The following EMC2 variants were observed in gnomAD, a reference collection of about 807,000 sequenced individuals.
EMC2 encodes ER membrane protein complex subunit 2.
In EMC2, 37 loss-of-function variants were observed where a neutral mutation model predicts 51.6. The ratio of observed to expected loss-of-function variants is 0.72; its 90% CI spans 0.55 to 0.94. The LOEUF is 0.94. Ranked by LOEUF, EMC2 falls within the 40% of genes least tolerant of loss-of-function variation. EMC2 has a pLI of 0.00. For synonymous variants in EMC2, 131 were observed against 112.4 expected (o/e 1.17, Z -1.04); for missense variants, 359 against 350.9 (o/e 1.02, Z -0.18).
Position 108,488,067 on chromosome 8 carries a change from A to C in EMC2, c.*1469A>C, listed in dbSNP as rs566720439. Among the ~76,000 whole-genome samples the C allele has an allele frequency of 6.6e-6, 1 of 151,380 alleles. No homozygotes were observed. The highest frequency in any genetic ancestry group is 2.4e-5 in the African/African-American group (1 of 41,206). On this transcript the variant is annotated 3_prime_UTR_variant, in exon 11 of 11. Transcript: ENST00000220853. ...TGTTTCACTACCTTTTCCCCTTCAA[A>C]CCTCCTCCCCGTCAGTCACTGGATT...
intron 7 of EMC2, among the ~76,000 whole-genome samples, chr8:108,473,108 C>T (rs1161128290): frequency 6.6e-6 from 1 of 151,942 alleles, no homozygotes; most frequent in African/African-American, 2.4e-5. Context: ...TAGAATTGTG[C>T]CATGTAACCT....
chr8:108,448,253 C>A (rs1818927951), intron 1 of EMC2, among the ~76,000 whole-genome samples: 1 of 152,126 alleles, frequency 6.6e-6, no homozygotes, highest in Admixed American at 6.5e-5. Flanking sequence ...AAACTAAGTA[C>A]AGATTCGGTA....
intron 7 of EMC2, among the ~76,000 whole-genome samples, chr8:108,473,249 A>T (rs1290744205): frequency 6.6e-6 from 1 of 151,982 alleles, no homozygotes; most frequent in Non-Finnish European, 1.5e-5. Context: ...ACTACAGTTA[A>T]TTTTTTTGTG....
intron 2 of EMC2, among the ~76,000 whole-genome samples, chr8:108,450,174 C>T (rs1376563627): frequency 6.6e-6 from 1 of 152,004 alleles, no homozygotes; most frequent in Non-Finnish European, 1.5e-5. Context: ...AATGTCTGGC[C>T]AAAATGTATT....
intron 4 of EMC2, 151 bp downstream of exon 4, chr8:108,453,298 A>T: frequency 2.2e-6 from 1 of 450,850 alleles, no homozygotes; most frequent in Non-Finnish European, 4.1e-6. Context: ...GAGGTTGAAA[A>T]CCTTGTCATG....
chr8:108,469,263 A>G (rs1232147670), intron 5 of EMC2, among the ~76,000 whole-genome samples: 1 of 152,166 alleles, frequency 6.6e-6, no homozygotes, highest in African/African-American at 2.4e-5. Context: ...ATTGATTTTT[A>G]TGTTTATCAT....
chr8:108,446,877 T>C (rs1818889301), intron 1 of EMC2, among the ~76,000 whole-genome samples: 1 of 152,172 alleles, frequency 6.6e-6, no homozygotes, highest in Non-Finnish European at 1.5e-5. Flanking sequence ...GTAAGGTGTA[T>C]AGCTTAAGGT....
rs763687422 is a variant in EMC2 at position 108,466,726 on chromosome 8, T to A, written c.364-3100T>A. On this transcript the variant is annotated intron_variant, in intron 5 of 10. Transcript: ENST00000220853. ...GCTTTGGCCTTCCAAAGTGTTGGGA[T>A]TACAGGCATGAACCACTGCACCTGG... 8.3e-4 allele frequency among the ~76,000 whole-genome samples: 127 copies of A among 152,262 alleles called. 1 individual carries two copies. Among genetic ancestry groups the A allele is most frequent in the Non-Finnish European group, 1.2e-3 (80 of 68,020 alleles).
chr8:108,480,808 A>G (rs916169271), intron 10 of EMC2, among the ~76,000 whole-genome samples: 1 of 151,888 alleles, frequency 6.6e-6, no homozygotes, highest in Non-Finnish European at 1.5e-5. Flanking sequence ...CTGGAAGAGG[A>G]TGTTTGCTAG....
intron 4 of EMC2, among the ~76,000 whole-genome samples, chr8:108,455,558 C>A (rs1157654222): frequency 1.3e-5 from 2 of 152,110 alleles, no homozygotes; most frequent in Non-Finnish European, 2.9e-5. Context: ...GGTCCTGATG[C>A]TTGTTCTGTC....
chr8:108,484,809 C>T (rs1811105537), intron 10 of EMC2, among the ~76,000 whole-genome samples: 1 of 151,886 alleles, frequency 6.6e-6, no homozygotes. Flanking sequence ...AATTTATTAA[C>T]TGGATAACAG....
In EMC2 at chr8:108,487,568, A is replaced by G. The variant is rs1811165656; in HGVS notation, c.*970A>G. On this transcript the variant is annotated 3_prime_UTR_variant, in exon 11 of 11. Coordinates refer to ENST00000220853, the MANE Select transcript of EMC2 (RefSeq NM_014673.5). The stretch of plus-strand genomic sequence containing the variant: ...TGAAAGTTAAATTTCATTTAGACAC[A>G]AATCAGTTTTTAAAATAGCAACTGT... Among the ~76,000 whole-genome samples the G allele has an allele frequency of 6.6e-6, 1 of 151,978 alleles. No individual in the cohort carries two copies. The highest frequency in any genetic ancestry group is 1.5e-5 in the Non-Finnish European group (1 of 67,972).
intron 2 of EMC2, 43 bp downstream of exon 2, chr8:108,449,979 C>A: frequency 7.5e-6 from 5 of 667,524 alleles, no homozygotes; most frequent in Non-Finnish European, 9.8e-6. Context: ...ATGCCTCATT[C>A]ATGGGCCTTT....
At chr8:108,470,562 C>G (rs1010085367) in intron 7 of EMC2, among the ~76,000 whole-genome samples, 2 of 152,130 alleles carry the variant, frequency 1.3e-5, no homozygotes, top group African/African-American at 2.4e-5. Context: ...AGAATCAACT[C>G]TTCCAAAGTA....
intron 10 of EMC2, among the ~76,000 whole-genome samples, chr8:108,480,767 G>A (rs554760766): frequency 5.3e-5 from 8 of 152,134 alleles, no homozygotes; most frequent in South Asian, 2.1e-4. Flanking sequence ...GTTTTTAATT[G>A]TTTTTCTTCA....
intron 1 of EMC2, among the ~76,000 whole-genome samples, chr8:108,444,327 ATAAC>A (rs1818825446): frequency 6.6e-6 from 1 of 152,190 alleles, no homozygotes; most frequent in Admixed American, 6.5e-5. Flanking sequence ...GAAGGGAAAA[ATAAC>A]TAATTAACTC....
At chr8:108,458,910 C>T (rs560138015) in intron 5 of EMC2, among the ~76,000 whole-genome samples, 2 of 152,258 alleles carry the variant, frequency 1.3e-5, no homozygotes, top group South Asian at 4.1e-4. Flanking sequence ...TGCCCTGTTT[C>T]CCTTGTAAAA....
At position 108,443,670 on chromosome 8, in the gene EMC2, C is replaced by A; in HGVS notation, c.12C>A (p.Val4=). Residue 4 remains valine, a synonymous_variant, in exon 1 of 11, where the codon GTC becomes GTA. Coordinates refer to ENST00000220853, the MANE Select transcript of EMC2 (RefSeq NM_014673.5). ...TAGGTTCTGGGAAGATGGCGAAGGT[C>A]TCAGAGCTTTACGATGTCACTTGGG... MAK[V]SELYDVTWEE... The A allele has an allele frequency of 6.2e-7, 1 of 1,609,844 alleles. No homozygotes were observed. The highest frequency in any genetic ancestry group is 8.5e-7 in the Non-Finnish European group (1 of 1,177,966).
intron 5 of EMC2, among the ~76,000 whole-genome samples, chr8:108,463,827 T>C (rs1415587990): frequency 1.3e-5 from 2 of 151,798 alleles, no homozygotes; most frequent in African/African-American, 4.8e-5. Flanking sequence ...ACCAGCTAAA[T>C]CTTATTGCTT....
Sources: allele counts gnomAD v4.1 joint callset (sites outside exome capture counted in the v4.1 genomes callset), GRCh38; gene constraint gnomAD v4.1.1; transcripts MANE v1.5; gene names NCBI Gene and HGNC (gene_info 2026-07-23, HGNC 2026-07-21).